Variants in CHRM5 observed in about 807,000 individuals in gnomAD.
CHRM5 encodes muscarinic acetylcholine receptor M5.
In CHRM5, 18 loss-of-function variants were observed where a neutral mutation model predicts 39.0. The observed-to-expected ratio is 0.46, with a 90% CI of 0.32 to 0.68. The LOEUF is 0.68. Among genes scored for constraint, CHRM5 ranks in the 30% least tolerant of loss-of-function variants. The probability of loss-of-function intolerance (pLI) is 0.04; values close to 1 mark genes in which losing one functional copy is unlikely to be tolerated. For synonymous variants in CHRM5, 241 were observed against 246.3 expected (o/e 0.98, Z 0.20); for missense variants, 515 against 651.1 (o/e 0.79, Z 2.28).
At chr15:33,981,875 C>T (rs1175011090) in intron 1 of CHRM5, among the ~76,000 whole-genome samples, 1 of 152,056 alleles carries the variant, frequency 6.6e-6, no homozygotes, top group African/African-American at 2.4e-5. Flanking sequence ...CACTCTGTTG[C>T]CCAGGCTGGA....
chr15:34,051,218 A>C (rs1485699294), intron 2 of CHRM5, among the ~76,000 whole-genome samples: 7 of 152,238 alleles, frequency 4.6e-5, no homozygotes, highest in Non-Finnish European at 8.8e-5. Context: ...AACTACATGG[A>C]AACTGAACAA....
chr15:33,984,373 C>T (rs115188490), intron 1 of CHRM5, among the ~76,000 whole-genome samples: 1 of 151,298 alleles, frequency 6.6e-6, no homozygotes, highest in Non-Finnish European at 1.5e-5. Flanking sequence ...AACTCAGTCA[C>T]TTTCCTCACC....
At position 34,060,206 on chromosome 15, in the gene CHRM5, C is replaced by T. The variant is rs143450942; in HGVS notation, c.-75-2437C>T. On this transcript the variant is annotated intron_variant, in intron 2 of 2. Transcript: ENST00000383263. ...ACAACTTGAAGAATGTTGATAACAC[C>T]GAGGTATTATAGGTATAAGCTGACA... Among the ~76,000 whole-genome samples, 445 of 152,140 alleles carry T rather than the reference C, an allele frequency of 2.9e-3. 2 individuals carry two copies. The highest frequency in any genetic ancestry group is 0.01 in the African/African-American group (428 of 41,502).
chr15:34,037,914 A>G (rs1465966520), intron 1 of CHRM5, among the ~76,000 whole-genome samples: 3 of 152,228 alleles, frequency 2.0e-5, no homozygotes, highest in African/African-American at 7.2e-5. Flanking sequence ...ATAAGAATGC[A>G]GAATATAAAG....
intron 1 of CHRM5, among the ~76,000 whole-genome samples, chr15:33,990,065 G>A (rs1476255579): frequency 4.0e-5 from 6 of 151,868 alleles, no homozygotes; most frequent in South Asian, 2.1e-4. Flanking sequence ...TTAGCCGGGC[G>A]TGGTGGTGGG....
chr15:33,970,167 G>C (rs1323395150), intron 1 of CHRM5, among the ~76,000 whole-genome samples: 3 of 151,938 alleles, frequency 2.0e-5, no homozygotes, highest in Non-Finnish European at 2.9e-5. Context: ...GTTATCAGAA[G>C]TAAGTATTCA....
At chr15:34,025,549 A>G (rs1259666047) in intron 1 of CHRM5, among the ~76,000 whole-genome samples, 2 of 152,204 alleles carry the variant, frequency 1.3e-5, no homozygotes, top group East Asian at 3.8e-4. Flanking sequence ...TTATTGGGTC[A>G]TCTGGTGAAA....
chr15:34,048,578 G>A (rs182456073), intron 2 of CHRM5, among the ~76,000 whole-genome samples: 30 of 151,974 alleles, frequency 2.0e-4, no homozygotes, highest in Admixed American at 2.0e-3. Flanking sequence ...CAGGAGGAGG[G>A]GCAGCCGCCA....
At position 33,983,818 on chromosome 15, in the gene CHRM5, A is replaced by G. The variant is rs576762409; in HGVS notation, c.-408+14668A>G. Reference sequence around the variant, plus strand: ...GAGTAACTAAGTGATCAGAGTTAACATCATCAGCAGTAAGTCCTATAAATA... The same window carrying G: ...GAGTAACTAAGTGATCAGAGTTAACGTCATCAGCAGTAAGTCCTATAAATA... On this transcript the variant is annotated intron_variant, in intron 1 of 2. Transcript: ENST00000383263. Among the ~76,000 whole-genome samples the G allele has an allele frequency of 7.9e-5, 12 of 152,234 alleles. No individual in the cohort carries two copies. The East Asian group carries it at 1.7e-3, about 22-fold the overall frequency.
At chr15:34,045,731 G>C (rs1213313672) in intron 1 of CHRM5, among the ~76,000 whole-genome samples, 1 of 14,648 alleles carries the variant, frequency 6.8e-5, no homozygotes, top group African/African-American at 1.3e-4. Flanking sequence ...AGAAAACGAA[G>C]GCCTAACCTC....
intron 1 of CHRM5, among the ~76,000 whole-genome samples, chr15:33,985,646 G>A (rs1054185529): frequency 2.0e-5 from 3 of 151,944 alleles, no homozygotes; most frequent in African/African-American, 7.2e-5. Flanking sequence ...GCACTGTGTT[G>A]TAGGCATTTC....
At chr15:34,055,673 T>C (rs1404362644) in intron 2 of CHRM5, among the ~76,000 whole-genome samples, 1 of 143,800 alleles carries the variant, frequency 7.0e-6, no homozygotes, top group South Asian at 2.2e-4. Context: ...TGGTGGCGGG[T>C]GCCTGTAGCC....
chr15:33,989,348 T>C (rs908536033), intron 1 of CHRM5, among the ~76,000 whole-genome samples: 1 of 151,958 alleles, frequency 6.6e-6, no homozygotes, highest in African/African-American at 2.4e-5. Flanking sequence ...AGCTTTTGTA[T>C]AGAACTTTAT....
chr15:33,983,161 T>C (rs577481496), intron 1 of CHRM5, among the ~76,000 whole-genome samples: 1 of 86,908 alleles, frequency 1.2e-5, no homozygotes, highest in East Asian at 4.5e-4. Flanking sequence ...TGTGTGTGTA[T>C]GTGTGTGTGT....
At chr15:33,973,736 C>A (rs900208679) in intron 1 of CHRM5, among the ~76,000 whole-genome samples, 2 of 152,124 alleles carry the variant, frequency 1.3e-5, no homozygotes. Context: ...GTCTGACATA[C>A]GAAATTGCAT....
chr15:34,053,886 T>C (rs973573457), intron 2 of CHRM5, among the ~76,000 whole-genome samples: 3 of 151,946 alleles, frequency 2.0e-5, no homozygotes, highest in African/African-American at 4.8e-5. Context: ...TCAGAGTGAA[T>C]AGACAACTTA....
intron 2 of CHRM5, among the ~76,000 whole-genome samples, chr15:34,049,668 G>GA (rs1225530061): frequency 6.6e-6 from 1 of 151,882 alleles, no homozygotes; most frequent in South Asian, 2.1e-4. Context: ...CGTTCAAATT[G>GA]AAAAAATGCA....
At chr15:34,038,738 C>T in intron 1 of CHRM5, 1 of 1,140,848 alleles carries the variant, frequency 8.8e-7, no homozygotes, top group Non-Finnish European at 1.1e-6. Flanking sequence ...CCACTTGCCC[C>T]AGTTACACGC....
chr15:34,028,208 C>A (rs975238808), intron 1 of CHRM5, among the ~76,000 whole-genome samples: 1 of 152,128 alleles, frequency 6.6e-6, no homozygotes, highest in African/African-American at 2.4e-5. Flanking sequence ...TCTAAATATT[C>A]TATACACATA....
Sources: allele counts gnomAD v4.1 joint callset (sites outside exome capture counted in the v4.1 genomes callset), GRCh38; gene constraint gnomAD v4.1.1; transcripts MANE v1.5; gene names NCBI Gene and HGNC (gene_info 2026-07-23, HGNC 2026-07-21).